RERE: variants seen among roughly 807,000 people sequenced by gnomAD.
RERE encodes the protein arginine-glutamic acid dipeptide repeats protein.
A neutral mutation model predicts 146.1 loss-of-function variants in RERE; 40 were observed. The ratio of observed to expected loss-of-function variants is 0.27; its 90% CI spans 0.21 to 0.36. The LOEUF (loss-of-function observed/expected upper bound fraction) is 0.36, where lower values mean the gene tolerates loss of function less well. Ranked by LOEUF, RERE falls within the 10% of genes least tolerant of loss-of-function variation. The pLI is 1.00. For synonymous variants in RERE, 1,003 were observed against 866.0 expected (o/e 1.16, Z -2.78); for missense variants, 1,933 against 2,138.7 (o/e 0.90, Z 1.90).
chr1:8,525,944 C>T (rs549050809), intron 7 of RERE: 18 of 1,343,582 alleles, frequency 1.3e-5, no homozygotes, highest in Middle Eastern at 4.6e-4. Flanking sequence ...TAAGCCTTCA[C>T]GCAGAACGCA....
chr1:8,481,909 C>T (rs547696005), intron 10 of RERE, among the ~76,000 whole-genome samples: 1 of 152,288 alleles, frequency 6.6e-6, no homozygotes, highest in South Asian at 2.1e-4. Flanking sequence ...AGGGGTATCC[C>T]TGGGTCACCT....
In RERE at chr1:8,423,641, C is replaced by T; in HGVS notation, c.1204-834G>A. The T allele has an allele frequency of 3.0e-6, 3 of 984,878 alleles. No individual in the cohort carries two copies. Among genetic ancestry groups the T allele is most frequent in the Non-Finnish European group, 3.6e-6 (3 of 829,766 alleles). The allele number at this position is 984,878 out of a possible 1,614,324, so 61.0% of individuals were successfully genotyped here. ...CCCGGGGTCCGGGGCGGCAAGAGGC[C>T]GTCGCCTGTCACTGGGCTCCGGCTC... On this transcript the variant is annotated intron_variant, in intron 11 of 22. Transcript: ENST00000400908. The surrounding 1 kb of genome is among the most constrained non-coding windows in gnomAD (Gnocchi z 5.4).
rs75332632 is a variant in RERE at position 8,575,276 on chromosome 1, T to C, written c.523-17753A>G. ...CAGAAATCGTGCATCCTTGCTGATA[T>C]AGGTAAATGAATAAAGTGAATAGTT... On this transcript the variant is annotated intron_variant, in intron 4 of 22. Transcript: ENST00000400908. Among the ~76,000 whole-genome samples, 394 of 151,756 alleles carry C rather than the reference T, an allele frequency of 2.6e-3. 8 individuals carry two copies. The East Asian group carries it at 0.064, about 25-fold the overall frequency.
intron 1 of RERE, among the ~76,000 whole-genome samples, chr1:8,795,520 C>T (rs375089209): frequency 1.3e-5 from 2 of 152,222 alleles, no homozygotes; most frequent in East Asian, 3.9e-4. Context: ...TTATGTACTA[C>T]TGTCCCTATT....
chr1:8,691,483 A>G (rs926426191), intron 1 of RERE, among the ~76,000 whole-genome samples: 1 of 152,220 alleles, frequency 6.6e-6, no homozygotes, highest in Non-Finnish European at 1.5e-5. Flanking sequence ...CCTGCCAAAA[A>G]TAAGAAATGC....
At chr1:8,600,750 CTTTTTTTTT>C (rs59816060) in intron 4 of RERE, among the ~76,000 whole-genome samples, 5 of 113,428 alleles carry the variant, frequency 4.4e-5, no homozygotes, top group South Asian at 2.9e-4. Context: ...CAAGCCAATA[CTTTTTTTTT>C]TTTTTTTTTT....
intron 1 of RERE, chr1:8,786,389 T>C: frequency 1.2e-6 from 1 of 858,192 alleles, no homozygotes; most frequent in Non-Finnish European, 2.0e-6. Context: ...TCCATGCAGA[T>C]GATGCCATAT....
In RERE at chr1:8,690,578, G is replaced by T. The variant is rs796225734; in HGVS notation, c.-144-34137C>A. On this transcript the variant is annotated intron_variant, in intron 1 of 22. Coordinates refer to ENST00000400908, the MANE Select transcript of RERE (RefSeq NM_001042681.2). The stretch of plus-strand genomic sequence containing the variant: ...GCTGAAGGTAGCTTACTGAGATTTA[G>T]ACAATGTAAAATAAAATTTAAGAAC... 5.3e-5 allele frequency among the ~76,000 whole-genome samples: 8 copies of T among 152,306 alleles called. 1 individual carries two copies. Among genetic ancestry groups the T allele is most frequent in the African/African-American group, 1.7e-4 (7 of 41,560 alleles).
At chr1:8,637,318 C>A (rs1246633028) in intron 2 of RERE, among the ~76,000 whole-genome samples, 1 of 152,170 alleles carries the variant, frequency 6.6e-6, no homozygotes, top group Non-Finnish European at 1.5e-5. Flanking sequence ...CTCCTGCAGA[C>A]TGCCTGGCAT....
chr1:8,409,454 G>A (rs981412149), intron 12 of RERE, among the ~76,000 whole-genome samples: 3 of 152,208 alleles, frequency 2.0e-5, no homozygotes, highest in Non-Finnish European at 4.4e-5. Flanking sequence ...GTTTTGGGGA[G>A]AGGAATAGAA....
intron 10 of RERE, among the ~76,000 whole-genome samples, chr1:8,468,457 T>C (rs907140694): frequency 1.3e-5 from 2 of 152,200 alleles, no homozygotes; most frequent in Admixed American, 1.3e-4. Context: ...TACATGCCTA[T>C]TTAATGCAAA....
intron 1 of RERE, among the ~76,000 whole-genome samples, chr1:8,725,259 G>GT (rs1202813009): frequency 4.6e-5 from 7 of 152,234 alleles, no homozygotes; most frequent in African/African-American, 1.7e-4. Flanking sequence ...AAAAATAGTT[G>GT]TAACTACGTC....
chr1:8,490,667 T>C (rs1222676334), intron 10 of RERE, among the ~76,000 whole-genome samples: 1 of 150,444 alleles, frequency 6.6e-6, no homozygotes, highest in Non-Finnish European at 1.5e-5. Flanking sequence ...AAAATCCTTA[T>C]GCCCAAAGAA....
At chr1:8,736,004 A>G (rs1640189215) in intron 1 of RERE, among the ~76,000 whole-genome samples, 1 of 152,214 alleles carries the variant, frequency 6.6e-6, no homozygotes, top group East Asian at 1.9e-4. Flanking sequence ...CTTTTGTTGT[A>G]ATATAAAATC....
chr1:8,626,045 C>T (rs535144183), intron 2 of RERE, among the ~76,000 whole-genome samples: 46 of 152,292 alleles, frequency 3.0e-4, no homozygotes, highest in African/African-American at 9.6e-4. Context: ...GTTCCAAGGT[C>T]CCAGATGCTA....
chr1:8,789,906 C>T (rs915992232), intron 1 of RERE, among the ~76,000 whole-genome samples: 3 of 152,178 alleles, frequency 2.0e-5, no homozygotes, highest in Non-Finnish European at 4.4e-5. Flanking sequence ...AATCTCTAAC[C>T]TGAAACTGAA....
At chr1:8,805,743 C>T (rs1016188710) in intron 1 of RERE, 2 of 151,386 alleles carry the variant, frequency 1.3e-5, no homozygotes, top group African/African-American at 4.8e-5. Flanking sequence ...AGGAGAATTG[C>T]TCGAATCTGG....
chr1:8,456,079 C>T (rs912462648), intron 11 of RERE, among the ~76,000 whole-genome samples: 10 of 152,176 alleles, frequency 6.6e-5, no homozygotes, highest in African/African-American at 2.4e-4. Context: ...AAGCAAATGC[C>T]GGCCGACAAG....
chr1:8,569,273 AG>A (rs1244923702), intron 4 of RERE, among the ~76,000 whole-genome samples: 74 of 151,664 alleles, frequency 4.9e-4, no homozygotes, highest in East Asian at 3.7e-3. Flanking sequence ...AAAAAAAAAA[AG>A]AGTACAAATA....
Sources: gnomAD v4.1 joint callset for allele counts (sites outside exome capture counted in the v4.1 genomes callset) on GRCh38, gnomAD v4.1.1 for gene constraint, Gnocchi (gnomAD v3.1) non-coding constraint, MANE v1.5 for transcripts, NCBI Gene and HGNC (gene_info 2026-07-23, HGNC 2026-07-21) for gene names.